KIF2A: variants seen among roughly 807,000 people sequenced by gnomAD.
The protein encoded by KIF2A is kinesin-like protein KIF2A.
In KIF2A, 22 loss-of-function variants were observed where a neutral mutation model predicts 100.2. The ratio of observed to expected loss-of-function variants is 0.22; its 90% CI spans 0.16 to 0.31. The LOEUF is 0.31. Ranked by LOEUF, KIF2A falls within the 10% of genes least tolerant of loss-of-function variation. KIF2A has a pLI of 1.00. For missense variants in KIF2A, 495 were observed against 898.7 expected, an observed-to-expected ratio of 0.55 and a Z score of 5.74; for synonymous variants, 268 against 285.9, an observed-to-expected ratio of 0.94 and a Z score of 0.63.
chr5:62,377,370 T>C lies in KIF2A; in HGVS notation c.1912-291T>C, dbSNP rs556857781. Among the ~76,000 whole-genome samples, 8 of 152,338 alleles carry C rather than the reference T, an allele frequency of 5.3e-5. No homozygotes were observed. The East Asian group carries it at 1.2e-3, about 22-fold the overall frequency. Reference sequence around the variant, plus strand: ...CTGCAATAACTGTATTTTTGAAAAGTTGGGCTGTTCCAAAAGAGAGTACTC... The same window carrying C: ...CTGCAATAACTGTATTTTTGAAAAGCTGGGCTGTTCCAAAAGAGAGTACTC... On this transcript the variant is annotated intron_variant, in intron 18 of 20. Transcript: ENST00000407818.
At chr5:62,363,581 T>C in intron 13 of KIF2A, 114 bp from the exon 14 acceptor site, 1 of 936,306 alleles carries the variant, frequency 1.1e-6, no homozygotes, top group East Asian at 2.4e-5. Context: ...ATTTAAAAGA[T>C]GAAAACTAGC....
intron 9 of KIF2A, 117 bp from the exon 10 acceptor site, chr5:62,361,125 G>T: frequency 1.9e-6 from 1 of 519,046 alleles, no homozygotes. Flanking sequence ...ACAAAGATTT[G>T]TTTAGAATCT....
At chr5:62,336,816 TA>T (rs952869185) in intron 1 of KIF2A, among the ~76,000 whole-genome samples, 66 of 152,102 alleles carry the variant, frequency 4.3e-4, no homozygotes, top group African/African-American at 1.5e-3. Context: ...TAACACCTAA[TA>T]AAAAAGACTC....
intron 1 of KIF2A, among the ~76,000 whole-genome samples, chr5:62,316,014 A>G (rs1303712371): frequency 6.6e-6 from 1 of 152,218 alleles, no homozygotes; most frequent in Non-Finnish European, 1.5e-5. Context: ...AAATCTCTTC[A>G]GTTTTATTTA....
intron 12 of KIF2A, 136 bp from the exon 13 acceptor site, chr5:62,363,042 G>A: frequency 3.3e-6 from 2 of 608,102 alleles, no homozygotes; most frequent in Non-Finnish European, 2.8e-6. Context: ...TGCCCAGGCT[G>A]GTTTTGAACT....
At chr5:62,314,758 G>GTTTTTTT (rs34987605) in intron 1 of KIF2A, among the ~76,000 whole-genome samples, 2 of 100,904 alleles carry the variant, frequency 2.0e-5, no homozygotes, top group African/African-American at 3.7e-5. Context: ...AGAATGAACT[G>GTTTTTTT]TTTTTTTTTT....
chr5:62,306,692 G>C (rs959119566), intron 1 of KIF2A, among the ~76,000 whole-genome samples, 156 bp downstream of exon 1: 4 of 152,270 alleles, frequency 2.6e-5, no homozygotes, highest in Admixed American at 2.0e-4. Flanking sequence ...GTGTGTGCCA[G>C]TGAGGCCGGC....
intron 1 of KIF2A, among the ~76,000 whole-genome samples, chr5:62,314,154 TC>T (rs1745690906): frequency 6.6e-6 from 1 of 152,234 alleles, no homozygotes; most frequent in African/African-American, 2.4e-5. Context: ...TCTCTAGATA[TC>T]CTGGGTTTGG....
At chr5:62,381,687 C>G (rs1164948023) in intron 20 of KIF2A, among the ~76,000 whole-genome samples, 2 of 152,198 alleles carry the variant, frequency 1.3e-5, no homozygotes, top group Non-Finnish European at 2.9e-5. Flanking sequence ...ACCTCAGTCT[C>G]CTGAGTAGCT....
intron 1 of KIF2A, among the ~76,000 whole-genome samples, chr5:62,313,568 T>C (rs1444020906): frequency 6.6e-6 from 1 of 152,168 alleles, no homozygotes; most frequent in Non-Finnish European, 1.5e-5. Flanking sequence ...TTGGCCAGGC[T>C]GGTCTTGAAC....
chr5:62,315,237 A>G (rs187190304), intron 1 of KIF2A, among the ~76,000 whole-genome samples: 26 of 148,924 alleles, frequency 1.7e-4, no homozygotes, highest in African/African-American at 4.0e-4. Flanking sequence ...GGGGCTGTGG[A>G]AAAAAACAGA....
intron 1 of KIF2A, among the ~76,000 whole-genome samples, chr5:62,328,154 C>T (rs980489250): frequency 2.2e-4 from 33 of 152,156 alleles, no homozygotes; most frequent in African/African-American, 7.2e-4. Context: ...AATAGGAAAT[C>T]TTGTATTCTT....
chr5:62,366,456 C>A lies in KIF2A; in HGVS notation c.1621C>A (p.Leu541Ile). 1 of 1,579,992 alleles carries A rather than the reference C, an allele frequency of 6.3e-7. No homozygotes were observed. Among genetic ancestry groups the A allele is most frequent in the South Asian group, 1.1e-5 (1 of 87,360 alleles). The change falls in exon 16 of 21, where the codon CTT becomes ATT. Residue 541 changes from leucine (L) to isoleucine (I), a missense_variant. Coordinates refer to ENST00000407818, the MANE Select transcript of KIF2A (RefSeq NM_001098511.3). Reference protein sequence around the residue: ...SPGMASCENTLNTLRYANRVK... With the variant: ...SPGMASCENTINTLRYANRVK... Reference sequence around the variant, plus strand: ...AGGAATGGCATCCTGTGAAAATACTCTTAATACATTAAGATATGCAAATAG... The same window carrying A: ...AGGAATGGCATCCTGTGAAAATACTATTAATACATTAAGATATGCAAATAG...
chr5:62,386,761 T>C lies in KIF2A; in HGVS notation c.*1192T>C, dbSNP rs1742046624. ...GTGAGAATCGCCAAATTCTCACTAA[T>C]ACATTGGTATGGTGTAGGGCATGCT... On this transcript the variant is annotated 3_prime_UTR_variant, in exon 21 of 21. Coordinates refer to ENST00000407818, the MANE Select transcript of KIF2A (RefSeq NM_001098511.3). Among the ~76,000 whole-genome samples, 1 of 152,230 alleles carries C rather than the reference T, an allele frequency of 6.6e-6. No homozygotes were observed. Among genetic ancestry groups the C allele is most frequent in the African/African-American group, 2.4e-5 (1 of 41,462 alleles).
chr5:62,349,267 G>A (rs1747726907), intron 3 of KIF2A, among the ~76,000 whole-genome samples: 1 of 150,514 alleles, frequency 6.6e-6, no homozygotes, highest in Admixed American at 6.6e-5. Context: ...TTAAAAATAA[G>A]GATTTATTTT....
chr5:62,320,518 T>C (rs538033906), intron 1 of KIF2A, among the ~76,000 whole-genome samples: 2 of 152,304 alleles, frequency 1.3e-5, no homozygotes, highest in East Asian at 3.9e-4. Flanking sequence ...CATTACACTT[T>C]TGAAATTTGC....
At position 62,357,681 on chromosome 5, in the gene KIF2A, T is replaced by C. The variant is rs751148284; in HGVS notation, c.655-10T>C. ...AATAATCACTGAAATAAAATACTTT[T>C]TATTTCTAGATTGATGAACATAGGA... On this transcript the variant is annotated splice_polypyrimidine_tract_variant and intron_variant, in intron 7 of 20. Transcript: ENST00000407818. 5 of 1,458,622 alleles carry C rather than the reference T, an allele frequency of 3.4e-6. No homozygotes were observed. The highest frequency in any genetic ancestry group is 4.7e-6 in the Non-Finnish European group (5 of 1,055,796). The allele number at this position is 1,458,622 out of a possible 1,614,324, so 90.4% of individuals were successfully genotyped here.
At chr5:62,338,993 A>G (rs1747127704) in intron 1 of KIF2A, among the ~76,000 whole-genome samples, 1 of 152,236 alleles carries the variant, frequency 6.6e-6, no homozygotes, top group Non-Finnish European at 1.5e-5. Flanking sequence ...TATTGTTTTC[A>G]TGAATGTGGA....
At chr5:62,383,048 T>G (rs1031339677) in intron 20 of KIF2A, among the ~76,000 whole-genome samples, 1 of 150,642 alleles carries the variant, frequency 6.6e-6, no homozygotes, top group African/African-American at 2.4e-5. Context: ...TGCCTCAGGC[T>G]TCTGAGTAGC....
Sources: allele counts gnomAD v4.1 joint callset (sites outside exome capture counted in the v4.1 genomes callset), GRCh38; gene constraint gnomAD v4.1.1; transcripts MANE v1.5; gene names NCBI Gene and HGNC (gene_info 2026-07-23, HGNC 2026-07-21).